The following PLEKHG1 variants were observed in gnomAD, a reference collection of about 807,000 sequenced individuals.
PLEKHG1 encodes the protein pleckstrin homology domain-containing family G member 1.
Under a neutral mutation model 100.8 loss-of-function variants are expected in PLEKHG1, and 44 were observed. That is an observed-to-expected ratio of 0.44 (90% CI 0.34 to 0.56). PLEKHG1 has a LOEUF of 0.56. Ranked by LOEUF, PLEKHG1 falls within the 20% of genes least tolerant of loss-of-function variation. The pLI is 0.01. For synonymous variants in PLEKHG1, 640 were observed against 662.5 expected (o/e 0.97, Z 0.52); for missense variants, 1,545 against 1,720.9 (o/e 0.90, Z 1.81).
chr6:150,818,117 G>A (rs1302463269), intron 10 of PLEKHG1, 66 bp from the exon 12 acceptor site: 1 of 1,168,772 alleles, frequency 8.6e-7, no homozygotes, highest in Admixed American at 1.8e-5. Context: ...TAAGATCTGT[G>A]TTGAGATTTG....
At chr6:150,670,268 TC>T (rs1779539986) in intron 3 of PLEKHG1, among the ~76,000 whole-genome samples, 2 of 152,386 alleles carry the variant, frequency 1.3e-5, no homozygotes, top group Admixed American at 1.3e-4. Context: ...CACAGGTTTT[TC>T]TTTTCATAGC....
chr6:150,624,530 GGTGATGATTATCATC>G (rs1374206650), intron 1 of PLEKHG1: 1 of 152,154 alleles, frequency 6.6e-6, no homozygotes, highest in Non-Finnish European at 1.5e-5. Context: ...AGTACAGTAG[GGTGATGATTATCATC>G]GTGATGGCTC....
At chr6:150,634,085 C>G (rs973388453) in intron 1 of PLEKHG1, among the ~76,000 whole-genome samples, 1 of 145,754 alleles carries the variant, frequency 6.9e-6, no homozygotes, top group Non-Finnish European at 1.5e-5. Context: ...CTACTAACAA[C>G]AACAAAAAAA....
At chr6:150,722,270 T>C (rs1234756053) in intron 1 of PLEKHG1, among the ~76,000 whole-genome samples, 1 of 151,986 alleles carries the variant, frequency 6.6e-6, no homozygotes, top group Admixed American at 6.5e-5. Context: ...TTGTACCTTC[T>C]AAATGGCTTT....
intron 4 of PLEKHG1, among the ~76,000 whole-genome samples, chr6:150,787,093 T>C (rs970535109): frequency 1.0e-4 from 15 of 149,842 alleles, no homozygotes; most frequent in African/African-American, 3.7e-4. Context: ...ACTGAACTGG[T>C]TTAGTTTAGT....
chr6:150,759,284 A>T (rs9397354), intron 2 of PLEKHG1, among the ~76,000 whole-genome samples: 2 of 151,900 alleles, frequency 1.3e-5, no homozygotes, highest in Non-Finnish European at 2.9e-5. Flanking sequence ...TGGGTACCGC[A>T]TGTGAATGGG....
chr6:150,758,997 C>G (rs34254299), intron 2 of PLEKHG1, among the ~76,000 whole-genome samples: 1 of 152,162 alleles, frequency 6.6e-6, no homozygotes, highest in Non-Finnish European at 1.5e-5. Context: ...TGATCGAATG[C>G]GTCTGCCCTG....
At chr6:150,822,362 A>G (rs1286516925) in intron 13 of PLEKHG1, among the ~76,000 whole-genome samples, 1 of 152,294 alleles carries the variant, frequency 6.6e-6, no homozygotes, top group African/African-American at 2.4e-5. Flanking sequence ...AGTTTTTGCA[A>G]CGCTTCAGGG....
In PLEKHG1 at chr6:150,821,106, G is replaced by A. The variant is rs1294132721; in HGVS notation, c.1409-89G>A. ...AAAAGTTATAGAGCTCTGTTAATCT[G>A]TCAATAGGCTCATAATCCTCTTATA... On this transcript the variant is annotated intron_variant, in intron 12 of 15. Transcript: ENST00000358517. 7 of 1,003,058 alleles carry A rather than the reference G, an allele frequency of 7.0e-6. No individual in the cohort carries two copies. In the East Asian group the frequency reaches 1.7e-4, roughly 24 times the overall value. The allele number at this position is 1,003,058 out of a possible 1,614,324, so 62.1% of individuals were successfully genotyped here.
At chr6:150,612,044 TTCC>T (rs1180453661) in intron 1 of PLEKHG1, among the ~76,000 whole-genome samples, 13 of 46,910 alleles carry the variant, frequency 2.8e-4, no homozygotes, top group African/African-American at 9.6e-4. Context: ...CCTGGTGTTG[TTCC>T]CCCCCCCCCC....
At chr6:150,681,150 G>T (rs545667784) in intron 3 of PLEKHG1, among the ~76,000 whole-genome samples, 1 of 152,206 alleles carries the variant, frequency 6.6e-6, no homozygotes, top group Non-Finnish European at 1.5e-5. Flanking sequence ...ATGGGAGTTA[G>T]CGAGTGGTCG....
intron 3 of PLEKHG1, among the ~76,000 whole-genome samples, chr6:150,710,764 T>G (rs1267625163): frequency 6.6e-6 from 1 of 152,190 alleles, no homozygotes; most frequent in Non-Finnish European, 1.5e-5. Context: ...CAGTGGGAAG[T>G]AAAGCAGCCT....
chr6:150,786,394 C>G (rs750787899), exon 4 of PLEKHG1: 2 of 1,607,926 alleles, frequency 1.2e-6, no homozygotes, highest in Admixed American at 3.3e-5. Context: ...TATTAGTGAA[C>G]TTCTGCAAGA....
intron 2 of PLEKHG1, among the ~76,000 whole-genome samples, chr6:150,753,080 T>C (rs921957345): frequency 2.1e-4 from 32 of 152,308 alleles, no homozygotes; most frequent in Non-Finnish European, 4.4e-4. Flanking sequence ...GTCACTGCAC[T>C]TTAGCCTGGG....
At chr6:150,650,497 C>A (rs1213388549) in intron 2 of PLEKHG1, among the ~76,000 whole-genome samples, 1 of 152,150 alleles carries the variant, frequency 6.6e-6, no homozygotes, top group African/African-American at 2.4e-5. Flanking sequence ...AATACCACAT[C>A]CTGTGAATTT....
At position 150,810,477 on chromosome 6, in the gene PLEKHG1, A is replaced by AAGG. The variant is rs1276114340; in HGVS notation, c.1278+744_1278+745insGGA. On this transcript the variant is annotated intron_variant, in intron 10 of 15. Coordinates refer to ENST00000358517, the Ensembl canonical transcript of PLEKHG1. ...AGACCCTGTCTCAAAAAAAAGAAAGAAAGAAAGAAGGAAGGAAGGAGGGAA... is the reference window on the plus strand; with the variant it reads ...AGACCCTGTCTCAAAAAAAAGAAAGAAGGAAGAAAGAAGGAAGGAAGGAGGGAA... Among the ~76,000 whole-genome samples the AAGG allele has an allele frequency of 1.4e-3, 143 of 104,988 alleles. No homozygotes were observed. The Middle Eastern group carries it at 0.016, about 12-fold the overall frequency. The allele number at this position is 104,988 out of a possible 152,430, so 68.9% of individuals were successfully genotyped here.
At chr6:150,752,355 C>A (rs1400135621) in intron 2 of PLEKHG1, among the ~76,000 whole-genome samples, 1 of 152,104 alleles carries the variant, frequency 6.6e-6, no homozygotes, top group Non-Finnish European at 1.5e-5. Context: ...AGTATATACA[C>A]AATGTTGCCC....
intron 15 of PLEKHG1, among the ~76,000 whole-genome samples, chr6:150,834,161 T>G (rs1026533792): frequency 1.3e-5 from 2 of 152,222 alleles, no homozygotes; most frequent in Non-Finnish European, 2.9e-5. Context: ...AATGAAGGTT[T>G]TGTATGCATG....
rs202009122 is a variant in PLEKHG1 at position 150,781,928 on chromosome 6, C to T, written c.513-4462C>T. ...CTGGGACTACAGGTGCCTGCCACCA[C>T]GCCCGGCTAATTTTTTTTTTTTTGT... is the stretch of plus-strand genomic sequence containing the variant. On this transcript the variant is annotated intron_variant, in intron 3 of 15. Coordinates refer to ENST00000358517, the Ensembl canonical transcript of PLEKHG1. Among the ~76,000 whole-genome samples, 72 of 151,240 alleles carry T rather than the reference C, an allele frequency of 4.8e-4. No individual in the cohort carries two copies. The East Asian group carries it at 5.1e-3, about 11-fold the overall frequency.
Sources: gnomAD v4.1 joint callset for allele counts (sites outside exome capture counted in the v4.1 genomes callset) on GRCh38, gnomAD v4.1.1 for gene constraint, MANE v1.5 for transcripts, NCBI Gene and HGNC (gene_info 2026-07-23, HGNC 2026-07-21) for gene names.